The following EDNRA variants were observed in gnomAD, a reference collection of about 807,000 sequenced individuals.
The protein encoded by EDNRA is endothelin-1 receptor.
EDNRA carries 11 observed loss-of-function variants against 41.4 expected under a neutral mutation model. The observed-to-expected ratio is 0.27, with a 90% CI of 0.17 to 0.44. The LOEUF (loss-of-function observed/expected upper bound fraction) is 0.44. EDNRA is among the 20% of genes least tolerant of loss of function. The pLI, the probability that EDNRA is intolerant of heterozygous loss-of-function variation, is 1.00. For synonymous variants in EDNRA, 172 were observed against 183.0 expected, an observed-to-expected ratio of 0.94 and a Z score of 0.49; for missense variants, 294 against 531.0, an observed-to-expected ratio of 0.55 and a Z score of 4.39.
chr4:147,532,702 G>A lies in EDNRA; in HGVS notation c.745G>A (p.Glu249Lys). 2 of 1,614,038 alleles carry A rather than the reference G, an allele frequency of 1.2e-6. No homozygotes were observed. Among genetic ancestry groups the A allele is most frequent in the Non-Finnish European group, 1.7e-6 (2 of 1,179,986 alleles). The change falls in exon 4 of 8, where the codon GAG becomes AAG. Residue 249 changes from glutamate (E) to lysine (K), a missense_variant and splice_region_variant. Coordinates refer to ENST00000651419, the MANE Select transcript of EDNRA (RefSeq NM_001957.4). ...CMLNATSKFM[E>K]FYQDVKDWWL... ...GCTCAATGCCACATCAAAATTCATG[G>A]AGGTACTAAACGTTTAAAAGGAATT...
In EDNRA at chr4:147,543,295, G is replaced by A. The variant is rs1236093243; in HGVS notation, c.*677G>A. 6.6e-6 allele frequency: 1 copy of A among 152,022 alleles called. No homozygotes were observed. Among genetic ancestry groups the A allele is most frequent in the African/African-American group, 2.4e-5 (1 of 41,356 alleles). 9.4% of individuals were successfully genotyped at this position (152,022 alleles called of 1,614,324 possible). ...ACAACAAATACTACAGGCCCTTAAA[G>A]CACAGTCTGATGACACATTTGGCAG... On this transcript the variant is annotated 3_prime_UTR_variant, in exon 8 of 8. Transcript: ENST00000651419.
intron 3 of EDNRA, among the ~76,000 whole-genome samples, chr4:147,522,021 A>G (rs1281847317): frequency 6.6e-6 from 1 of 152,172 alleles, no homozygotes; most frequent in Non-Finnish European, 1.5e-5. Context: ...CAGTGGGAAA[A>G]CTCGACTCAG....
rs201744582 is a variant in EDNRA at position 147,544,268 on chromosome 4, A to G, written c.*1650A>G. ...CATGTTACCATTACAAATGGGATAT[A>G]AGAGGCAGCGTGAAAGCAGATGAGC... On this transcript the variant is annotated 3_prime_UTR_variant, in exon 8 of 8. Coordinates refer to ENST00000651419, the MANE Select transcript of EDNRA (RefSeq NM_001957.4). The G allele has an allele frequency of 1.3e-5, 2 of 153,266 alleles. No homozygotes were observed. The highest frequency in any genetic ancestry group is 2.9e-5 in the Non-Finnish European group (2 of 68,048). 9.5% of individuals were successfully genotyped at this position (153,266 alleles called of 1,614,324 possible).
intron 2 of EDNRA, among the ~76,000 whole-genome samples, chr4:147,498,355 A>T (rs540443296): frequency 3.9e-5 from 6 of 152,294 alleles, no homozygotes; most frequent in African/African-American, 1.4e-4. Context: ...ATCATAAAGG[A>T]AGTCAACCCA....
chr4:147,508,664 T>C (rs918772540), intron 2 of EDNRA, among the ~76,000 whole-genome samples: 2 of 152,206 alleles, frequency 1.3e-5, no homozygotes, highest in Admixed American at 6.5e-5. Context: ...TCTAAGTTAT[T>C]TTTTTGCATA....
At chr4:147,513,722 G>A (rs978492980) in intron 2 of EDNRA, among the ~76,000 whole-genome samples, 2 of 152,184 alleles carry the variant, frequency 1.3e-5, no homozygotes, top group Non-Finnish European at 2.9e-5. Context: ...GAAGGGAAGA[G>A]AAGGTTTTCC....
In EDNRA at chr4:147,485,648, G is replaced by A. The variant is rs1333382882; in HGVS notation, c.-34G>A. On this transcript the variant is annotated 5_prime_UTR_variant, in exon 2 of 8. Transcript: ENST00000651419. ...GTGAAGGTGTAAAAGCAGCACAAGT[G>A]CAATAAGAGATATTTCCTCAAATTT... The A allele has an allele frequency of 1.3e-6, 2 of 1,544,522 alleles. No individual in the cohort carries two copies. Among genetic ancestry groups the A allele is most frequent in the East Asian group, 2.3e-5 (1 of 44,238 alleles).
Position 147,485,956 on chromosome 4 carries a change from T to C in EDNRA, c.275T>C (p.Ile92Thr). ...INTVISCTIF[I>T]VGMVGNATLL... ...ACTGTGATATCTTGTACTATTTTCA[T>C]CGTGGGAATGGTGGGGAATGCAACT... is the stretch of plus-strand genomic sequence containing the variant. Residue 92 changes from isoleucine (I) to threonine (T), a missense_variant, in exon 2 of 8, where the codon ATC becomes ACC. Transcript: ENST00000651419. The C allele has an allele frequency of 1.2e-6, 2 of 1,614,274 alleles. No individual in the cohort carries two copies. Among genetic ancestry groups the C allele is most frequent in the Non-Finnish European group, 1.7e-6 (2 of 1,180,048 alleles).
chr4:147,491,969 C>T (rs537540254), intron 2 of EDNRA: 1 of 152,384 alleles, frequency 6.6e-6, no homozygotes, highest in South Asian at 2.1e-4. Flanking sequence ...CCTCTCTATA[C>T]TCCAGCTAAC....
chr4:147,495,142 A>T (rs1451566719), intron 2 of EDNRA: 1 of 152,196 alleles, frequency 6.6e-6, no homozygotes, highest in Non-Finnish European at 1.5e-5. Context: ...GATAATATGA[A>T]AAAAGTGAGT....
intron 1 of EDNRA, among the ~76,000 whole-genome samples, chr4:147,483,267 G>A (rs1442107847): frequency 3.9e-5 from 6 of 152,196 alleles, no homozygotes; most frequent in Non-Finnish European, 7.4e-5. Context: ...TTGAAAAATT[G>A]ATATTTTTCC....
chr4:147,506,787 T>C (rs572059930), intron 2 of EDNRA: 29 of 236,766 alleles, frequency 1.2e-4, no homozygotes, highest in African/African-American at 6.0e-4. Flanking sequence ...GCCAGCATGT[T>C]AGTGAAACAA....
chr4:147,506,321 C>G, intron 2 of EDNRA: 1 of 439,998 alleles, frequency 2.3e-6, no homozygotes, highest in South Asian at 1.8e-5. Context: ...TTACTGAGAG[C>G]TCATCAGATA....
chr4:147,535,866 T>TA lies in EDNRA; in HGVS notation c.748-11_748-10insA. 1 of 1,605,978 alleles carries TA rather than the reference T, an allele frequency of 6.2e-7. No homozygotes were observed. Reference sequence around the variant, plus strand: ...TCCTCCTTTTCTCTTTTTTTTTTTTTCACTTTGAAGTTCTACCAAGATGTA... The same window carrying TA: ...TCCTCCTTTTCTCTTTTTTTTTTTTTACACTTTGAAGTTCTACCAAGATGTA... On this transcript the variant is annotated splice_polypyrimidine_tract_variant and intron_variant, in intron 4 of 7. Transcript: ENST00000651419.
chr4:147,485,533 G>T lies in EDNRA; in HGVS notation c.-70-79G>T, dbSNP rs1728914297. 5 of 845,760 alleles carry T rather than the reference G, an allele frequency of 5.9e-6. No homozygotes were observed. In the East Asian group the frequency reaches 8.0e-5, roughly 13 times the overall value. The allele number at this position is 845,760 out of a possible 1,614,324, so 52.4% of individuals were successfully genotyped here. A position where few individuals can be genotyped will look rare whatever the true frequency, so the allele number is the denominator to read the frequency against. The stretch of plus-strand genomic sequence containing the variant: ...ACCAAATATATCCTGCATTTTAATT[G>T]AATCAATAAATAATCATTGACTATG... On this transcript the variant is annotated intron_variant, in intron 1 of 7. Coordinates refer to ENST00000651419, the MANE Select transcript of EDNRA (RefSeq NM_001957.4).
In EDNRA at chr4:147,499,797, C is replaced by CTTT. The variant is rs58464606; in HGVS notation, c.420+13719_420+13721dup. Among the ~76,000 whole-genome samples, 541 of 85,360 alleles carry CTTT rather than the reference C, an allele frequency of 6.3e-3. 10 individuals are homozygous for CTTT. Among genetic ancestry groups the CTTT allele is most frequent in the East Asian group, 0.015 (36 of 2,382 alleles). The allele number at this position is 85,360 out of a possible 152,430, so 56.0% of individuals were successfully genotyped here. A position where few individuals can be genotyped will look rare whatever the true frequency, so the allele number is the denominator to read the frequency against. ...GAAAATATAGTTACTCTCTAAAAGT[C>CTTT]TTTTTTTTTTTTTTTTTTTTTTTTT... is the stretch of plus-strand genomic sequence containing the variant. On this transcript the variant is annotated intron_variant, in intron 2 of 7. Transcript: ENST00000651419.
chr4:147,506,287 T>C, intron 2 of EDNRA: 1 of 469,748 alleles, frequency 2.1e-6, no homozygotes. Flanking sequence ...TTGCAAAATA[T>C]TGGAGGCCAT....
At chr4:147,504,087 C>T (rs1729605335) in intron 2 of EDNRA, among the ~76,000 whole-genome samples, 1 of 152,030 alleles carries the variant, frequency 6.6e-6, no homozygotes, top group South Asian at 2.1e-4. Flanking sequence ...ATCTGTTGTA[C>T]TATGTTGTTT....
intron 5 of EDNRA, among the ~76,000 whole-genome samples, chr4:147,536,234 T>G (rs1260408679): frequency 6.6e-6 from 1 of 152,210 alleles, no homozygotes; most frequent in Non-Finnish European, 1.5e-5. Flanking sequence ...TCCTGAAGGC[T>G]GGGCCCAAAT....
Sources: gnomAD v4.1 joint callset for allele counts (sites outside exome capture counted in the v4.1 genomes callset) on GRCh38, gnomAD v4.1.1 for gene constraint, MANE v1.5 for transcripts, NCBI Gene and HGNC (gene_info 2026-07-23, HGNC 2026-07-21) for gene names.